Variants in LRIG3 observed in about 807,000 individuals in gnomAD.
LRIG3 encodes leucine-rich repeats and immunoglobulin-like domains protein 3.
LRIG3 carries 76 observed loss-of-function variants against 114.5 expected under a neutral mutation model. The observed-to-expected ratio is 0.66, with a 90% CI of 0.55 to 0.80. The LOEUF (loss-of-function observed/expected upper bound fraction) is 0.80, where lower values mean the gene tolerates loss of function less well. LRIG3 is among the 30% of genes least tolerant of loss of function. LRIG3 has a pLI of 0.00. For synonymous variants in LRIG3, 512 were observed against 519.8 expected, an observed-to-expected ratio of 0.98 and a Z score of 0.20; for missense variants, 1,239 against 1,382.8, an observed-to-expected ratio of 0.90 and a Z score of 1.65.
intron 16 of LRIG3, 134 bp downstream of exon 16, chr12:58,876,311 A>T: frequency 1.2e-6 from 1 of 859,676 alleles, no homozygotes; most frequent in Non-Finnish European, 1.8e-6. Flanking sequence ...ATACAATTTC[A>T]ACCTTGCTAG....
intron 7 of LRIG3, 47 bp downstream of exon 7, chr12:58,888,282 T>C (rs1436605794): frequency 1.3e-6 from 2 of 1,591,026 alleles, no homozygotes; most frequent in African/African-American, 2.7e-5. Context: ...TGCCCTGGCA[T>C]GATCCCTGCT....
At position 58,920,296 on chromosome 12, in the gene LRIG3, G is replaced by C; in HGVS notation, c.-61C>G. On this transcript the variant is annotated 5_prime_UTR_variant, in exon 1 of 19. Coordinates refer to ENST00000320743, the MANE Select transcript of LRIG3 (RefSeq NM_153377.5). The stretch of plus-strand genomic sequence containing the variant: ...CCAGCCGGCGCGCGCTCGGGGCCCG[G>C]CACAAACTTCCAGCCGAGGGTGCAC... The C allele has an allele frequency of 8.0e-7, 1 of 1,248,968 alleles. No individual in the cohort carries two copies. The highest frequency in any genetic ancestry group is 2.4e-5 in the South Asian group (1 of 42,460). The allele number at this position is 1,248,968 out of a possible 1,614,324, so 77.4% of individuals were successfully genotyped here. A position where few individuals can be genotyped will look rare whatever the true frequency, so the allele number is the denominator to read the frequency against.
chr12:58,916,073 T>TA lies in LRIG3; in HGVS notation c.237-1738dup, dbSNP rs1246731610. 7.9e-5 allele frequency among the ~76,000 whole-genome samples: 12 copies of TA among 152,198 alleles called. No homozygotes were observed. The East Asian group carries it at 9.7e-4, about 12-fold the overall frequency. On this transcript the variant is annotated intron_variant, in intron 1 of 18. Coordinates refer to ENST00000320743, the MANE Select transcript of LRIG3 (RefSeq NM_153377.5). ...AGGTGATTCTCTTTTTAATTAAAAA[T>TA]AAAAAAACACTAAAACTGAGGATTA...
chr12:58,889,186 C>G (rs1414088880), intron 5 of LRIG3, among the ~76,000 whole-genome samples: 2 of 152,124 alleles, frequency 1.3e-5, no homozygotes, highest in African/African-American at 4.8e-5. Flanking sequence ...AATACTGAAA[C>G]TAGACTGCAC....
At chr12:58,907,843 G>A (rs1361759749) in intron 3 of LRIG3, among the ~76,000 whole-genome samples, 2 of 152,182 alleles carry the variant, frequency 1.3e-5, no homozygotes, top group Non-Finnish European at 2.9e-5. Context: ...AGCACCTTCT[G>A]TGTGTCTGAG....
At chr12:58,906,949 C>T (rs1163159772) in intron 3 of LRIG3, among the ~76,000 whole-genome samples, 1 of 148,726 alleles carries the variant, frequency 6.7e-6, no homozygotes, top group African/African-American at 2.5e-5. Flanking sequence ...TATTCCCCTG[C>T]TTAAAAAAAA....
chr12:58,919,321 T>C, intron 1 of LRIG3: 6 of 1,485,612 alleles, frequency 4.0e-6, no homozygotes, highest in Middle Eastern at 1.9e-4. Context: ...GTCTGGGCGT[T>C]CTGAGGAGCT....
At position 58,886,808 on chromosome 12, in the gene LRIG3, A is replaced by G; in HGVS notation, c.1172+2T>C. 1 of 1,612,632 alleles carries G rather than the reference A, an allele frequency of 6.2e-7. No individual in the cohort carries two copies. Among genetic ancestry groups the G allele is most frequent in the South Asian group, 1.1e-5 (1 of 91,012 alleles). On this transcript the variant is annotated splice_donor_variant, in intron 9 of 18. Coordinates refer to ENST00000320743, the MANE Select transcript of LRIG3 (RefSeq NM_153377.5). LOFTEE classifies it high-confidence loss of function. Reference sequence around the variant, plus strand: ...CTAAATTATGAGGCAATTCATACTCACAGTCGCCTCAGTTTGTCAAGCCCA... The same window carrying G: ...CTAAATTATGAGGCAATTCATACTCGCAGTCGCCTCAGTTTGTCAAGCCCA...
At chr12:58,910,922 A>C (rs1411728182) in intron 3 of LRIG3, among the ~76,000 whole-genome samples, 1 of 152,148 alleles carries the variant, frequency 6.6e-6, no homozygotes, top group Non-Finnish European at 1.5e-5. Context: ...CATTCAGAAA[A>C]ATCAACTCCC....
Position 58,880,599 on chromosome 12 carries a change from C to G in LRIG3, c.1783G>C (p.Ala595Pro). The G allele has an allele frequency of 6.2e-7, 1 of 1,612,214 alleles. No individual in the cohort carries two copies. Among genetic ancestry groups the G allele is most frequent in the Non-Finnish European group, 8.5e-7 (1 of 1,178,404 alleles). The change falls in exon 13 of 19, where the codon GCC becomes CCC. Residue 595 changes from alanine (A) to proline (P), a missense_variant. Physicochemically the swap from Ala to Pro is conservative, Grantham distance 27. Coordinates refer to ENST00000320743, the MANE Select transcript of LRIG3 (RefSeq NM_153377.5). ...NHFGSSYSVK[A>P]KLTVNMLPSF... ...CACATACTATTTACTGTAAGCTTGG[C>G]TTTGACAGAGTAGGATGAACCAAAG...
chr12:58,877,372 G>A, intron 15 of LRIG3, 28 bp downstream of exon 15: 1 of 1,603,728 alleles, frequency 6.2e-7, no homozygotes, highest in South Asian at 1.1e-5. Context: ...TGACTCCGGT[G>A]ACCTGTGCCA....
chr12:58,892,301 A>G (rs1400007336), intron 3 of LRIG3, among the ~76,000 whole-genome samples: 1 of 152,256 alleles, frequency 6.6e-6, no homozygotes, highest in Non-Finnish European at 1.5e-5. Flanking sequence ...GCGAGAAACA[A>G]TGAAACAATC....
intron 3 of LRIG3, among the ~76,000 whole-genome samples, chr12:58,905,844 C>T (rs943186424): frequency 3.9e-5 from 6 of 152,196 alleles, no homozygotes; most frequent in Non-Finnish European, 8.8e-5. Context: ...GGCCCATCAA[C>T]CTTGGACTTC....
Position 58,897,877 on chromosome 12 carries a change from C to T in LRIG3, c.384-7081G>A, listed in dbSNP as rs1164499375. On this transcript the variant is annotated intron_variant, in intron 3 of 18. Coordinates refer to ENST00000320743, the MANE Select transcript of LRIG3 (RefSeq NM_153377.5). ...GCCTTCCACCGTCATTTTCACATATCGGACCATTGATCTGGTTTGAGTCTC... is the reference window on the plus strand; with the variant it reads ...GCCTTCCACCGTCATTTTCACATATTGGACCATTGATCTGGTTTGAGTCTC... Among the ~76,000 whole-genome samples, 4 of 152,106 alleles carry T rather than the reference C, an allele frequency of 2.6e-5. No individual in the cohort carries two copies. In the East Asian group the frequency reaches 5.8e-4, roughly 22 times the overall value.
At chr12:58,903,832 C>T in intron 3 of LRIG3, among the ~76,000 whole-genome samples, 1 of 152,108 alleles carries the variant, frequency 6.6e-6, no homozygotes, top group South Asian at 2.1e-4. Flanking sequence ...AATCCTTTCC[C>T]CATTGCTTGT....
chr12:58,906,642 C>T (rs770479262), intron 3 of LRIG3, among the ~76,000 whole-genome samples: 1 of 152,044 alleles, frequency 6.6e-6, no homozygotes, highest in African/African-American at 2.4e-5. Flanking sequence ...GCCAACTCTA[C>T]CCTATTCATC....
At chr12:58,910,134 T>C (rs1872222061) in intron 3 of LRIG3, among the ~76,000 whole-genome samples, 1 of 152,208 alleles carries the variant, frequency 6.6e-6, no homozygotes, top group Non-Finnish European at 1.5e-5. Flanking sequence ...TAAGAAATGC[T>C]TTACTTTTGA....
At chr12:58,891,620 C>T (rs968296930) in intron 3 of LRIG3, among the ~76,000 whole-genome samples, 2 of 152,036 alleles carry the variant, frequency 1.3e-5, no homozygotes, top group Admixed American at 6.5e-5. Flanking sequence ...TAGAACCATG[C>T]TAGAGAGATC....
chr12:58,887,743 A>G (rs1871321248), intron 8 of LRIG3, 46 bp downstream of exon 8: 9 of 1,595,794 alleles, frequency 5.6e-6, no homozygotes, highest in Admixed American at 1.7e-5. Context: ...GGGCATATTT[A>G]GGAACCAATT....
Sources: gnomAD v4.1 joint callset for allele counts (sites outside exome capture counted in the v4.1 genomes callset) on GRCh38, gnomAD v4.1.1 for gene constraint, MANE v1.5 for transcripts, NCBI Gene and HGNC (gene_info 2026-07-23, HGNC 2026-07-21) for gene names.